The following FMN1 variants were observed in gnomAD, a reference collection of about 807,000 sequenced individuals.
The protein encoded by FMN1 is formin 1.
A neutral mutation model predicts 132.4 loss-of-function variants in FMN1; 110 were observed. The observed-to-expected ratio is 0.83, with a 90% CI of 0.71 to 0.97. The LOEUF is 0.97. Ranked by LOEUF, FMN1 falls within the 50% of genes least tolerant of loss-of-function variation. The probability of loss-of-function intolerance (pLI) is 0.00; values close to 1 mark genes in which losing one functional copy is unlikely to be tolerated. For missense variants in FMN1, 1,792 were observed against 1,705.3 expected (o/e 1.05, Z -0.90); for synonymous variants, 722 against 651.7 (o/e 1.11, Z -1.64).
chr15:32,850,720 TA>T (rs1455757772), intron 17 of FMN1, among the ~76,000 whole-genome samples: 1 of 152,250 alleles, frequency 6.6e-6, no homozygotes, highest in African/African-American at 2.4e-5. Context: ...TCTATTTATA[TA>T]ATTCCTTTTG....
At chr15:33,161,953 T>C (rs1010245017) in intron 3 of FMN1, among the ~76,000 whole-genome samples, 1 of 151,060 alleles carries the variant, frequency 6.6e-6, no homozygotes, top group Non-Finnish European at 1.5e-5. Flanking sequence ...AAGGAAGTTC[T>C]GCAATAGGTT....
intron 4 of FMN1, among the ~76,000 whole-genome samples, chr15:33,141,610 G>A (rs1427565162): frequency 6.6e-6 from 1 of 152,188 alleles, no homozygotes; most frequent in Non-Finnish European, 1.5e-5. Flanking sequence ...ATAATGTAGG[G>A]AGCATGGAGA....
chr15:33,045,952 C>T (rs1220292895), intron 6 of FMN1, among the ~76,000 whole-genome samples: 1 of 152,158 alleles, frequency 6.6e-6, no homozygotes, highest in African/African-American at 2.4e-5. Context: ...AGCCATCAGG[C>T]TTAAGGCTCA....
intron 16 of FMN1, 71 bp downstream of exon 16, chr15:32,888,101 A>C (rs942975411): frequency 2.2e-6 from 3 of 1,367,170 alleles, no homozygotes; most frequent in Non-Finnish European, 3.0e-6. Flanking sequence ...ACCAGACCTA[A>C]ATAATCCTCT....
Position 32,894,173 on chromosome 15 carries a change from C to G in FMN1, c.3714+4661G>C, listed in dbSNP as rs556839875. ...CAGTTCAGCAAGTTTTATCAGACAC[C>G]TGTATTACAGGCAGTAAAAAAGAGA... On this transcript the variant is annotated intron_variant, in intron 15 of 20. Transcript: ENST00000616417. Among the ~76,000 whole-genome samples, 12 of 152,226 alleles carry G rather than the reference C, an allele frequency of 7.9e-5. 1 individual carries two copies. The South Asian group carries it at 1.9e-3, about 24-fold the overall frequency.
intron 18 of FMN1, among the ~76,000 whole-genome samples, chr15:32,800,933 T>C (rs949447080): frequency 2.0e-5 from 3 of 152,242 alleles, no homozygotes; most frequent in Admixed American, 6.5e-5. Context: ...ATGCTTACCT[T>C]CTATACAGAT....
intron 4 of FMN1, among the ~76,000 whole-genome samples, chr15:33,141,644 C>T (rs1370609357): frequency 6.6e-6 from 1 of 152,040 alleles, no homozygotes; most frequent in African/African-American, 2.4e-5. Context: ...TCAGAACTGC[C>T]CTACAAAAGG....
chr15:33,021,234 C>T (rs1229836769), intron 6 of FMN1, among the ~76,000 whole-genome samples: 1 of 140,974 alleles, frequency 7.1e-6, no homozygotes, highest in African/African-American at 2.5e-5. Context: ...CTCAGCTGAA[C>T]CTTAGTTGAC....
intron 6 of FMN1, among the ~76,000 whole-genome samples, chr15:33,041,536 A>C (rs1198194850): frequency 6.6e-6 from 1 of 151,992 alleles, no homozygotes; most frequent in African/African-American, 2.4e-5. Context: ...AATGTTTACA[A>C]TCTGATTAAA....
At chr15:32,892,620 G>A (rs531542599) in intron 15 of FMN1, among the ~76,000 whole-genome samples, 1 of 152,252 alleles carries the variant, frequency 6.6e-6, no homozygotes, top group East Asian at 1.9e-4. Flanking sequence ...GTGGAATAGT[G>A]TCAAAAGGAT....
intron 6 of FMN1, among the ~76,000 whole-genome samples, chr15:33,056,430 CAGAAAACCA>C (rs2037219013): frequency 6.6e-6 from 1 of 152,168 alleles, no homozygotes; most frequent in Non-Finnish European, 1.5e-5. Context: ...AAATGACATA[CAGAAAACCA>C]AAGTGAGGTA....
chr15:32,952,719 A>G (rs1246279625), intron 9 of FMN1, among the ~76,000 whole-genome samples: 15 of 152,148 alleles, frequency 9.9e-5, no homozygotes, highest in Non-Finnish European at 1.5e-5. Flanking sequence ...CTCACCTCCT[A>G]AGATATTTTG....
At chr15:33,123,792 T>A (rs1303227545) in intron 4 of FMN1, among the ~76,000 whole-genome samples, 1 of 152,224 alleles carries the variant, frequency 6.6e-6, no homozygotes, top group Non-Finnish European at 1.5e-5. Flanking sequence ...ACTTCTTGTA[T>A]TACAAGTGGC....
intron 19 of FMN1, among the ~76,000 whole-genome samples, chr15:32,783,196 T>G (rs1243036246): frequency 2.0e-5 from 3 of 151,738 alleles, no homozygotes; most frequent in Non-Finnish European, 4.4e-5. Context: ...TACAAAAGAA[T>G]TTGGAAATAT....
chr15:33,088,451 T>C (rs977761339), intron 5 of FMN1, among the ~76,000 whole-genome samples: 2 of 152,216 alleles, frequency 1.3e-5, no homozygotes, highest in African/African-American at 4.8e-5. Context: ...GCTTTACATA[T>C]GTTATTGACA....
In FMN1 at chr15:33,163,634, T is replaced by C. The variant is rs556941370; in HGVS notation, c.-131-8589A>G. 3.3e-3 allele frequency among the ~76,000 whole-genome samples: 334 copies of C among 100,066 alleles called. 8 individuals carry two copies. The highest frequency in any genetic ancestry group is 0.026 in the East Asian group (110 of 4,256). The allele number at this position is 100,066 out of a possible 152,430, so 65.6% of individuals were successfully genotyped here. ...GTTTTGTTTTGTTTTGTTTTGTTTT[T>C]GAGACGGAGTTTCACTCTTGTTGCC... On this transcript the variant is annotated intron_variant, in intron 3 of 20. Transcript: ENST00000616417.
At position 33,005,184 on chromosome 15, in the gene FMN1, TATAATA is replaced by T. The variant is rs539333745; in HGVS notation, c.2223+2824_2223+2829del. ...TGCATATGTACCCTAAAACTTAAAGTATAATAATAATATTAAAAAAAAAAAACTACA... is the reference window on the plus strand; with the variant it reads ...TGCATATGTACCCTAAAACTTAAAGTATAATATTAAAAAAAAAAAACTACA... On this transcript the variant is annotated intron_variant, in intron 7 of 20. Transcript: ENST00000616417. Among the ~76,000 whole-genome samples, 23 of 150,974 alleles carry T rather than the reference TATAATA, an allele frequency of 1.5e-4. No individual in the cohort carries two copies. In the South Asian group the frequency reaches 2.1e-3, roughly 14 times the overall value.
chr15:32,779,279 GA>G (rs141157641), intron 19 of FMN1, among the ~76,000 whole-genome samples: 22,189 of 152,092 alleles, frequency 0.15, 1,687 homozygotes, highest in Non-Finnish European at 0.16. Context: ...AATGTGTATG[GA>G]ATTGTACACT....
intron 18 of FMN1, among the ~76,000 whole-genome samples, chr15:32,801,391 A>C (rs2057471966): frequency 6.6e-6 from 1 of 152,226 alleles, no homozygotes; most frequent in Non-Finnish European, 1.5e-5. Context: ...CCTCTTCAGA[A>C]GAACCAAAGT....
Sources: gnomAD v4.1 joint callset for allele counts (sites outside exome capture counted in the v4.1 genomes callset) on GRCh38, gnomAD v4.1.1 for gene constraint, MANE v1.5 for transcripts, NCBI Gene and HGNC (gene_info 2026-07-23, HGNC 2026-07-21) for gene names.